TACR1: variants seen among roughly 807,000 people sequenced by gnomAD.
TACR1 encodes the protein substance-P receptor.
A neutral mutation model predicts 35.8 loss-of-function variants in TACR1; 25 were observed. That is an observed-to-expected ratio of 0.70 (90% confidence interval 0.51 to 0.98). The LOEUF (loss-of-function observed/expected upper bound fraction) is 0.98. Among genes scored for constraint, TACR1 ranks in the 50% least tolerant of loss-of-function variants. The probability of loss-of-function intolerance (pLI) is 0.00; values close to 1 mark genes in which losing one functional copy is unlikely to be tolerated. For synonymous variants in TACR1, 195 were observed against 206.7 expected, an observed-to-expected ratio of 0.94 and a Z score of 0.48; for missense variants, 478 against 522.9, an observed-to-expected ratio of 0.91 and a Z score of 0.84.
intron 1 of TACR1, among the ~76,000 whole-genome samples, chr2:75,182,348 C>G (rs6546954): frequency 0.5 from 75,376 of 151,922 alleles, 19,061 homozygotes; most frequent in Non-Finnish European, 0.52. Flanking sequence ...CTGCAAAGGG[C>G]AGGCAACTGT....
intron 2 of TACR1, among the ~76,000 whole-genome samples, chr2:75,111,395 G>GT (rs1469195589): frequency 6.6e-6 from 1 of 152,022 alleles, no homozygotes; most frequent in Non-Finnish European, 1.5e-5. Flanking sequence ...TAATACTTCT[G>GT]TGTGATGTTT....
At chr2:75,070,687 C>T (rs1161451758) in intron 2 of TACR1, among the ~76,000 whole-genome samples, 1 of 152,160 alleles carries the variant, frequency 6.6e-6, no homozygotes, top group Admixed American at 6.5e-5. Context: ...TCATTTAATT[C>T]TCATAACAAC....
intron 2 of TACR1, among the ~76,000 whole-genome samples, chr2:75,076,524 G>T (rs112177905): frequency 1.1e-4 from 17 of 152,306 alleles, no homozygotes; most frequent in African/African-American, 4.1e-4. Context: ...TCCACTGGCG[G>T]GCTGACACTA....
At chr2:75,064,989 C>A (rs1276928206) in intron 2 of TACR1, among the ~76,000 whole-genome samples, 1 of 152,186 alleles carries the variant, frequency 6.6e-6, no homozygotes, top group Non-Finnish European at 1.5e-5. Flanking sequence ...CCTCCTGAAT[C>A]TGCATTATGC....
chr2:75,169,884 T>A (rs1314516692), intron 1 of TACR1, among the ~76,000 whole-genome samples: 3 of 152,164 alleles, frequency 2.0e-5, no homozygotes, highest in Non-Finnish European at 2.9e-5. Flanking sequence ...CCCTTTCGTC[T>A]CTGTTCTAGA....
At chr2:75,072,489 A>G (rs548348357) in intron 2 of TACR1, among the ~76,000 whole-genome samples, 1 of 152,378 alleles carries the variant, frequency 6.6e-6, no homozygotes, top group South Asian at 2.1e-4. Flanking sequence ...GGGATCGTCC[A>G]TGAGAGCATG....
chr2:75,121,380 A>T (rs1045124981), intron 1 of TACR1, among the ~76,000 whole-genome samples: 3 of 152,216 alleles, frequency 2.0e-5, no homozygotes, highest in African/African-American at 7.2e-5. Flanking sequence ...GTGAAGAGAA[A>T]GACGGTCTCC....
chr2:75,079,143 A>G (rs920214362), intron 2 of TACR1, among the ~76,000 whole-genome samples: 1 of 152,054 alleles, frequency 6.6e-6, no homozygotes, highest in African/African-American at 2.4e-5. Flanking sequence ...ATACCTTCAC[A>G]TCCCTTCCAT....
At chr2:75,170,755 G>C (rs973515495) in intron 1 of TACR1, among the ~76,000 whole-genome samples, 6 of 152,200 alleles carry the variant, frequency 3.9e-5, no homozygotes, top group African/African-American at 1.4e-4. Context: ...GAGACTGGCA[G>C]CATTTTGCCC....
At chr2:75,100,991 A>G (rs962129578) in intron 2 of TACR1, among the ~76,000 whole-genome samples, 2 of 152,118 alleles carry the variant, frequency 1.3e-5, no homozygotes, top group African/African-American at 4.8e-5. Flanking sequence ...CCATGAAATG[A>G]GTTCCAATGT....
intron 1 of TACR1, among the ~76,000 whole-genome samples, chr2:75,161,469 C>T (rs1675008081): frequency 6.6e-6 from 1 of 152,022 alleles, no homozygotes; most frequent in Non-Finnish European, 1.5e-5. Context: ...GTTAATCTTT[C>T]ACAGAGGTAC....
rs1251002244 is a variant in TACR1 at position 75,175,213 on chromosome 2, T to C, written c.389+23333A>G. Among the ~76,000 whole-genome samples the C allele has an allele frequency of 3.9e-5, 6 of 152,294 alleles. No individual in the cohort carries two copies. In the South Asian group the frequency reaches 8.3e-4, roughly 21 times the overall value. On this transcript the variant is annotated intron_variant, in intron 1 of 4. Coordinates refer to ENST00000305249, the MANE Select transcript of TACR1 (RefSeq NM_001058.4). The stretch of plus-strand genomic sequence containing the variant: ...ACTCAGGGGAGCTCCTGGCATTTTG[T>C]TGTGGGAACCAGGAACGCTAGATGT...
intron 1 of TACR1, among the ~76,000 whole-genome samples, chr2:75,195,662 TAAG>T (rs1342193499): frequency 6.6e-6 from 1 of 151,824 alleles, no homozygotes; most frequent in Non-Finnish European, 1.5e-5. Flanking sequence ...GGATCTATCT[TAAG>T]AAAATAATCA....
intron 1 of TACR1, among the ~76,000 whole-genome samples, chr2:75,168,073 AAATTCC>A (rs1675188084): frequency 6.6e-6 from 1 of 152,230 alleles, no homozygotes; most frequent in Admixed American, 6.5e-5. Flanking sequence ...CTTTGACTTG[AAATTCC>A]AATTTTAGAA....
chr2:75,049,786 A>C, intron 4 of TACR1, 63 bp from the exon 5 acceptor site: 6 of 1,521,078 alleles, frequency 3.9e-6, no homozygotes, highest in Non-Finnish European at 5.3e-6. Flanking sequence ...GCTGCCCACC[A>C]CTGCATCAGC....
At chr2:75,181,207 C>A (rs1353219271) in intron 1 of TACR1, among the ~76,000 whole-genome samples, 1 of 152,112 alleles carries the variant, frequency 6.6e-6, no homozygotes, top group Admixed American at 6.6e-5. Context: ...TTGTTTCTTC[C>A]CCACTCTTCA....
At position 75,049,445 on chromosome 2, in the gene TACR1, T is replaced by C. The variant is rs145317978; in HGVS notation, c.1211A>G (p.Asn404Ser). 18 of 1,613,390 alleles carry C rather than the reference T, an allele frequency of 1.1e-5. No homozygotes were observed. The highest frequency in any genetic ancestry group is 1.5e-5 in the Non-Finnish European group (18 of 1,179,520). ...AGGCCCTGTGGCCTAGGAGAGCACA[T>C]TGGAGGAGAAGCTGAAGCTCTCTGT... is the stretch of plus-strand genomic sequence containing the variant. ...TMTESFSFSSNVLS is the reference protein window; with the variant it reads ...TMTESFSFSSSVLS Residue 404 changes from asparagine to serine, a missense_variant, in exon 5 of 5, where the codon AAT becomes AGT. Coordinates refer to ENST00000305249, the MANE Select transcript of TACR1 (RefSeq NM_001058.4).
intron 1 of TACR1, among the ~76,000 whole-genome samples, chr2:75,123,174 A>T (rs1674005098): frequency 2.4e-5 from 1 of 42,502 alleles, no homozygotes; most frequent in Non-Finnish European, 5.7e-5. Flanking sequence ...AGCGGTGAAG[A>T]TGCCTTATCT....
chr2:75,177,694 C>T (rs1359242442), intron 1 of TACR1, among the ~76,000 whole-genome samples: 1 of 152,162 alleles, frequency 6.6e-6, no homozygotes, highest in Non-Finnish European at 1.5e-5. Context: ...CACATATGCC[C>T]TTGACTCCAC....
Sources: allele counts gnomAD v4.1 joint callset (sites outside exome capture counted in the v4.1 genomes callset), GRCh38; gene constraint gnomAD v4.1.1; transcripts MANE v1.5; gene names NCBI Gene and HGNC (gene_info 2026-07-23, HGNC 2026-07-21).